The following PRKAG1 variants were observed in gnomAD, a reference collection of about 807,000 sequenced individuals.
PRKAG1 encodes the protein 5'-AMP-activated protein kinase subunit gamma-1.
A neutral mutation model predicts 48.2 loss-of-function variants in PRKAG1; 27 were observed. The observed-to-expected ratio is 0.56, with a 90% CI of 0.41 to 0.77. The LOEUF is 0.77. Among genes scored for constraint, PRKAG1 ranks in the 30% least tolerant of loss-of-function variants. The pLI is 0.00. For missense variants in PRKAG1, 287 were observed against 398.3 expected (o/e 0.72, Z 2.38); for synonymous variants, 130 against 147.7 (o/e 0.88, Z 0.87).
chr12:49,005,795 TAGC>T lies in PRKAG1; in HGVS notation c.113_115del (p.Cys38del), dbSNP rs773852651. ...TTTGGAGCTTGTGGGAATCAGGTCA[TAGC>T]AGCGATGAGACTTCATGAAGGAAGT... On this transcript the variant is annotated inframe_deletion, in exon 3 of 12. Transcript: ENST00000548065. The surrounding 1 kb of genome is among the most constrained non-coding windows in gnomAD (Gnocchi z 4.1). 17 of 1,614,010 alleles carry T rather than the reference TAGC, an allele frequency of 1.1e-5. No individual in the cohort carries two copies. Among genetic ancestry groups the T allele is most frequent in the Non-Finnish European group, 2.5e-6 (3 of 1,180,010 alleles).
At chr12:49,004,853 G>GTA in intron 7 of PRKAG1, 111 bp downstream of exon 7, 1 of 1,108,284 alleles carries the variant, frequency 9.0e-7, no homozygotes. Flanking sequence ...GTGTGTGTGT[G>GTA]TGTGTGTGTC....
chr12:49,009,636 G>A (rs1031375622), intron 2 of PRKAG1, among the ~76,000 whole-genome samples: 3 of 151,992 alleles, frequency 2.0e-5, no homozygotes, highest in African/African-American at 7.2e-5. Context: ...TTTTGAGACA[G>A]AGTTTCACTC....
intron 11 of PRKAG1, 33 bp downstream of exon 11, chr12:49,003,111 C>A: frequency 6.2e-7 from 1 of 1,613,882 alleles, no homozygotes; most frequent in Non-Finnish European, 8.5e-7. Context: ...AGGCTGCTCC[C>A]CTCAGCTCCT....
In PRKAG1 at chr12:49,005,447, G is replaced by C; in HGVS notation, c.250+15C>G. ...AAGATGCCAATAATATTGTGTTCCA[G>C]AAACTTTTGCTTACCCACAAAACTT... On this transcript the variant is annotated intron_variant, in intron 4 of 11. Coordinates refer to ENST00000548065, the MANE Select transcript of PRKAG1 (RefSeq NM_002733.5). This position sits in a 1 kb window ranked among gnomAD's most constrained non-coding sequence, Gnocchi z 4.1. 1 of 1,614,012 alleles carries C rather than the reference G, an allele frequency of 6.2e-7. No individual in the cohort carries two copies. Among genetic ancestry groups the C allele is most frequent in the Non-Finnish European group, 8.5e-7 (1 of 1,180,018 alleles).
Position 49,003,542 on chromosome 12 carries a change from C to T in PRKAG1, c.741+16G>A. 1 of 1,613,282 alleles carries T rather than the reference C, an allele frequency of 6.2e-7. No individual in the cohort carries two copies. On this transcript the variant is annotated intron_variant, in intron 10 of 11. Coordinates refer to ENST00000548065, the MANE Select transcript of PRKAG1 (RefSeq NM_002733.5). ...CCACCACTTCCCTACCTCCCAGACCCTCCACAATCACTCACGATAACATCA... is the reference window on the plus strand; with the variant it reads ...CCACCACTTCCCTACCTCCCAGACCTTCCACAATCACTCACGATAACATCA...
At chr12:49,018,397 C>T in intron 1 of PRKAG1, 1 of 1,163,454 alleles carries the variant, frequency 8.6e-7, no homozygotes, top group Non-Finnish European at 1.1e-6. Flanking sequence ...CACAACCCTG[C>T]GCTCTCAAAC....
intron 7 of PRKAG1, 42 bp from the exon 8 acceptor site, chr12:49,004,675 C>T (rs777693809): frequency 6.2e-7 from 1 of 1,613,036 alleles, no homozygotes; most frequent in African/African-American, 1.3e-5. Context: ...AGTGCTGGGG[C>T]TGGGGGTGAT....
chr12:49,006,866 G>T (rs984337211), intron 2 of PRKAG1, among the ~76,000 whole-genome samples: 2 of 152,170 alleles, frequency 1.3e-5, no homozygotes, highest in Admixed American at 1.3e-4. Flanking sequence ...CTACTCGGGA[G>T]GCTGAGGCAG....
In PRKAG1 at chr12:49,018,770, C is replaced by T. The variant is rs930207242; in HGVS notation, c.-30G>A. The T allele has an allele frequency of 6.2e-7, 1 of 1,612,174 alleles. No homozygotes were observed. Among genetic ancestry groups the T allele is most frequent in the Non-Finnish European group, 8.5e-7 (1 of 1,179,908 alleles). Reference sequence around the variant, plus strand: ...AGAGGCGCCCGGCTTGGTTTCCTCGCTTTAGGAAACTCTCTTGGGGCAGGC... The same window carrying T: ...AGAGGCGCCCGGCTTGGTTTCCTCGTTTTAGGAAACTCTCTTGGGGCAGGC... On this transcript the variant is annotated 5_prime_UTR_variant, in exon 1 of 12. Coordinates refer to ENST00000548065, the MANE Select transcript of PRKAG1 (RefSeq NM_002733.5).
chr12:49,018,600 G>C (rs1056658019), intron 1 of PRKAG1, 132 bp downstream of exon 1: 8 of 1,567,584 alleles, frequency 5.1e-6, no homozygotes, highest in South Asian at 1.2e-5. Flanking sequence ...TCACGGGATA[G>C]GGCAGACACC....
At chr12:49,004,813 CTG>C (rs3832821) in intron 7 of PRKAG1, 149 bp downstream of exon 7, 110,984 of 703,714 alleles carry the variant, frequency 0.16, 2,312 homozygotes, top group Middle Eastern at 0.18. Context: ...GAGAGAGAGA[CTG>C]TGTGTGTGTG....
chr12:49,008,586 C>T (rs527611770), intron 2 of PRKAG1: 1 of 152,146 alleles, frequency 6.6e-6, no homozygotes, highest in African/African-American at 2.4e-5. Context: ...TGGAACACAT[C>T]TTCCAGTAGC....
chr12:49,015,948 CTTTT>C (rs67495781), intron 1 of PRKAG1, among the ~76,000 whole-genome samples: 3 of 142,570 alleles, frequency 2.1e-5, no homozygotes, highest in Non-Finnish European at 4.6e-5. Context: ...TCCTTTCTAC[CTTTT>C]TTTTTTTTTT....
chr12:49,011,502 T>C (rs575216699), intron 2 of PRKAG1, among the ~76,000 whole-genome samples: 2 of 151,444 alleles, frequency 1.3e-5, no homozygotes, highest in South Asian at 2.1e-4. Flanking sequence ...GTGCCCAGAC[T>C]TGAAGATCTG....
intron 1 of PRKAG1, 151 bp downstream of exon 1, chr12:49,018,581 G>A (rs1942103857): frequency 2.0e-6 from 3 of 1,494,014 alleles, no homozygotes; most frequent in African/African-American, 1.4e-5. Flanking sequence ...AAGAAGCGGA[G>A]GAACAGGGTC....
chr12:49,002,989 C>G lies in PRKAG1; in HGVS notation c.906G>C (p.Val302=), dbSNP rs773948664. 1 of 1,614,200 alleles carries G rather than the reference C, an allele frequency of 6.2e-7. No homozygotes were observed. The highest frequency in any genetic ancestry group is 1.1e-5 in the South Asian group (1 of 91,088). The change falls in exon 12 of 12, where the codon GTG becomes GTC. Residue 302 remains valine, a synonymous_variant. Coordinates refer to ENST00000548065, the MANE Select transcript of PRKAG1 (RefSeq NM_002733.5). ...CCTTGACCACATCATTTTCATCCAC[C>G]ACTACAAGTCGGTGAACCTGGCACA... The part of the protein sequence containing the change: ...LVEAEVHRLV[V]VDENDVVKGI...
chr12:49,017,483 AT>A, intron 1 of PRKAG1: 1 of 284,782 alleles, frequency 3.5e-6, no homozygotes, highest in Non-Finnish European at 6.9e-6. Flanking sequence ...AAGTACTGGC[AT>A]TACAGGCGTG....
At position 49,002,498 on chromosome 12, in the gene PRKAG1, ATATCTT is replaced by A; in HGVS notation, c.*395_*400del. 3.0e-6 allele frequency: 1 copy of A among 336,724 alleles called. No individual in the cohort carries two copies. Among genetic ancestry groups the A allele is most frequent in the Non-Finnish European group, 5.8e-6 (1 of 171,536 alleles). The allele number at this position is 336,724 out of a possible 1,614,324, so 20.9% of individuals were successfully genotyped here. A position where few individuals can be genotyped will look rare whatever the true frequency, so the allele number is the denominator to read the frequency against. On this transcript the variant is annotated 3_prime_UTR_variant, in exon 12 of 12. Coordinates refer to ENST00000548065, the MANE Select transcript of PRKAG1 (RefSeq NM_002733.5). The stretch of plus-strand genomic sequence containing the variant: ...TATAGCACGGAACAGGTGAATAAAA[ATATCTT>A]TATGAAGAATTTTGTTGTGCTATTA...
chr12:49,014,478 T>C (rs1314978098), intron 1 of PRKAG1, among the ~76,000 whole-genome samples: 1 of 152,230 alleles, frequency 6.6e-6, no homozygotes, highest in African/African-American at 2.4e-5. Flanking sequence ...GACAGCATTG[T>C]CTTCCCCAAA....
Sources: allele counts gnomAD v4.1 joint callset (sites outside exome capture counted in the v4.1 genomes callset), GRCh38; gene constraint gnomAD v4.1.1; non-coding constraint Gnocchi (gnomAD v3.1); transcripts MANE v1.5; gene names NCBI Gene and HGNC (gene_info 2026-07-23, HGNC 2026-07-21).